The following ZSCAN5B variants were observed in gnomAD, a reference collection of about 807,000 sequenced individuals.
The protein encoded by ZSCAN5B is zinc finger and SCAN domain containing 5B.
A neutral mutation model predicts 25.2 loss-of-function variants in ZSCAN5B; 26 were observed. The observed-to-expected ratio is 1.03, with a 90% CI of 0.76 to 1.43. The LOEUF (loss-of-function observed/expected upper bound fraction) is 1.43. ZSCAN5B is among the 40% of genes most tolerant of loss of function. The pLI is 0.00. For synonymous variants in ZSCAN5B, 244 were observed against 240.9 expected, an observed-to-expected ratio of 1.01 and a Z score of -0.12; for missense variants, 745 against 622.1, an observed-to-expected ratio of 1.20 and a Z score of -2.10.
At chr19:56,194,572 G>T (rs1294650046) in intron 1 of ZSCAN5B, among the ~76,000 whole-genome samples, 1 of 152,108 alleles carries the variant, frequency 6.6e-6, no homozygotes, top group Non-Finnish European at 1.5e-5. Flanking sequence ...GGGGATTACA[G>T]GCGTGATTGC....
In ZSCAN5B at chr19:56,192,662, C is replaced by T; in HGVS notation, c.384+7G>A. On this transcript the variant is annotated splice_region_variant and intron_variant, in intron 2 of 4. Transcript: ENST00000586855. The stretch of plus-strand genomic sequence containing the variant: ...TTCCCTGCACCAATCACGAGGTTCC[C>T]ACTCACCCATTTCTTGGGTCTTCTG... The T allele has an allele frequency of 3.1e-6, 5 of 1,592,942 alleles. No homozygotes were observed. Among genetic ancestry groups the T allele is most frequent in the Non-Finnish European group, 4.3e-6 (5 of 1,167,592 alleles).
At chr19:56,190,984 C>T in exon 4 of ZSCAN5B, 1 of 1,614,026 alleles carries the variant, frequency 6.2e-7, no homozygotes, top group Non-Finnish European at 8.5e-7. Context: ...AGAAAGTCCT[C>T]TCCCTGAAGA....
chr19:56,189,999 A>G (rs1270670403), exon 5 of ZSCAN5B: 1 of 1,613,918 alleles, frequency 6.2e-7, no homozygotes, highest in Non-Finnish European at 8.5e-7. Flanking sequence ...TTTACATTTA[A>G]ACGGCCTCTC....
chr19:56,193,661 CA>C (rs1314155140), intron 1 of ZSCAN5B, among the ~76,000 whole-genome samples: 1 of 152,156 alleles, frequency 6.6e-6, no homozygotes, highest in Non-Finnish European at 1.5e-5. Flanking sequence ...GAAGAGGTGT[CA>C]CTAAAAAATC....
chr19:56,192,737 C>T (rs761902411), exon 2 of ZSCAN5B: 50 of 1,603,018 alleles, frequency 3.1e-5, no homozygotes, highest in South Asian at 1.1e-4. Flanking sequence ...ACACCGTTCA[C>T]CTTGACTAAG....
chr19:56,192,168 T>A, intron 2 of ZSCAN5B, 115 bp from the exon 3 acceptor site: 1 of 1,017,326 alleles, frequency 9.8e-7, no homozygotes, highest in Admixed American at 2.3e-5. Flanking sequence ...AAATCTACCT[T>A]CCTGATGCAG....
exon 5 of ZSCAN5B, chr19:56,190,153 A>G: frequency 6.2e-7 from 1 of 1,614,056 alleles, no homozygotes; most frequent in Non-Finnish European, 8.5e-7. Context: ...CGCTTCCGAC[A>G]GAGATCACAT....
chr19:56,191,280 C>A (rs13345242), intron 3 of ZSCAN5B, among the ~76,000 whole-genome samples: 1 of 152,126 alleles, frequency 6.6e-6, no homozygotes, highest in Non-Finnish European at 1.5e-5. Context: ...GGTGGAGGCC[C>A]CTAACCCCTG....
At chr19:56,191,874 C>T in exon 3 of ZSCAN5B, 8 of 1,614,050 alleles carry the variant, frequency 5.0e-6, no homozygotes, top group Non-Finnish European at 6.8e-6. Flanking sequence ...GTGCAGCGAC[C>T]CTGGGCAGGA....
At chr19:56,193,161 TCA>T in exon 2 of ZSCAN5B, 18 of 1,294,130 alleles carry the variant, frequency 1.4e-5, no homozygotes, top group Non-Finnish European at 1.9e-5. Context: ...AGTAATATAT[TCA>T]CAGTTTGTTC....
intron 1 of ZSCAN5B, among the ~76,000 whole-genome samples, chr19:56,195,772 T>C (rs1441080332): frequency 6.6e-6 from 1 of 152,116 alleles, no homozygotes; most frequent in Non-Finnish European, 1.5e-5. Flanking sequence ...ACCCAAAACC[T>C]CAGCATCACT....
At chr19:56,191,399 G>C (rs905373112) in intron 3 of ZSCAN5B, among the ~76,000 whole-genome samples, 7 of 152,100 alleles carry the variant, frequency 4.6e-5, no homozygotes, top group Non-Finnish European at 1.0e-4. Flanking sequence ...CCACCCCTGA[G>C]AATGCCAAAC....
At chr19:56,193,545 T>G (rs2032768155) in intron 1 of ZSCAN5B, among the ~76,000 whole-genome samples, 1 of 152,264 alleles carries the variant, frequency 6.6e-6, no homozygotes, top group African/African-American at 2.4e-5. Context: ...GCAAAGCCCT[T>G]AGTCATAATT....
At chr19:56,194,564 G>A (rs1380955562) in intron 1 of ZSCAN5B, among the ~76,000 whole-genome samples, 1 of 151,864 alleles carries the variant, frequency 6.6e-6, no homozygotes, top group East Asian at 1.9e-4. Flanking sequence ...CAAAATTCGG[G>A]GATTACAGGC....
Position 56,190,293 on chromosome 19 carries a change from AC to A in ZSCAN5B, c.1021del (p.Val341SerfsTer30), listed in dbSNP as rs1371189655. The A allele has an allele frequency of 1.2e-6, 2 of 1,614,024 alleles. No homozygotes were observed. Among genetic ancestry groups the A allele is most frequent in the African/African-American group, 2.7e-5 (2 of 74,898 alleles). On this transcript the variant is annotated frameshift_variant, in exon 5 of 5. Transcript: ENST00000586855. LOFTEE classifies it low-confidence loss of function (END_TRUNC). Reference sequence around the variant, plus strand: ...GGCTTCTTGGCCATCTGGGTGACTGACCGGGCCCGCAGGGCCTGGGGAATGA... The same window carrying A: ...GGCTTCTTGGCCATCTGGGTGACTGACGGGCCCGCAGGGCCTGGGGAATGA...
chr19:56,192,521 AGT>A, intron 2 of ZSCAN5B, 146 bp downstream of exon 2: 1 of 1,369,668 alleles, frequency 7.3e-7, no homozygotes, highest in South Asian at 1.5e-5. Flanking sequence ...GGCCTCACAC[AGT>A]GTGTGGGTTC....
At chr19:56,193,059 T>G (rs931207459) in exon 2 of ZSCAN5B, 14 of 1,538,742 alleles carry the variant, frequency 9.1e-6, no homozygotes, top group Middle Eastern at 1.7e-4. Flanking sequence ...CCATATCTAC[T>G]GGAGAATATT....
At chr19:56,193,879 G>A (rs1466161417) in intron 1 of ZSCAN5B, among the ~76,000 whole-genome samples, 3 of 151,448 alleles carry the variant, frequency 2.0e-5, no homozygotes, top group South Asian at 2.1e-4. Context: ...GGAGAATGGC[G>A]TGAACCCGGG....
At chr19:56,194,359 G>T (rs1052667150) in intron 1 of ZSCAN5B, among the ~76,000 whole-genome samples, 2 of 152,060 alleles carry the variant, frequency 1.3e-5, no homozygotes, top group African/African-American at 4.8e-5. Flanking sequence ...GAAATTTGCA[G>T]TCATGGTTCC....
Sources: allele counts gnomAD v4.1 joint callset (sites outside exome capture counted in the v4.1 genomes callset), GRCh38; gene constraint gnomAD v4.1.1; transcripts MANE v1.5; gene names NCBI Gene and HGNC (gene_info 2026-07-23, HGNC 2026-07-21).